Variants in TTC28 observed in about 807,000 individuals in gnomAD.
The protein encoded by TTC28 is tetratricopeptide repeat domain 28.
In TTC28, 61 loss-of-function variants were observed where a neutral mutation model predicts 198.0. The ratio of observed to expected loss-of-function variants is 0.31; its 90% confidence interval spans 0.25 to 0.38. The LOEUF (loss-of-function observed/expected upper bound fraction) is 0.38. Among genes scored for constraint, TTC28 ranks in the 10% least tolerant of loss-of-function variants. TTC28 has a pLI of 1.00. For synonymous variants in TTC28, 1,171 were observed against 1,297.8 expected (o/e 0.90, Z 2.10); for missense variants, 2,678 against 3,164.0 (o/e 0.85, Z 3.69).
At chr22:28,119,371 C>G (rs1942724390) in intron 6 of TTC28, among the ~76,000 whole-genome samples, 1 of 152,172 alleles carries the variant, frequency 6.6e-6, no homozygotes, top group African/African-American at 2.4e-5. Flanking sequence ...CATTATTTAG[C>G]TAGAGTACAA....
intron 12 of TTC28, among the ~76,000 whole-genome samples, chr22:28,091,034 C>A (rs964845106): frequency 6.6e-6 from 1 of 152,156 alleles, no homozygotes; most frequent in African/African-American, 2.4e-5. Flanking sequence ...TGCTAGAGAT[C>A]CTAAGGACTC....
chr22:28,578,269 TTCC>T (rs1214142438), intron 2 of TTC28, among the ~76,000 whole-genome samples: 1 of 151,972 alleles, frequency 6.6e-6, no homozygotes, highest in Non-Finnish European at 1.5e-5. Context: ...TACACTTCAG[TTCC>T]TCAATTTTTA....
chr22:28,679,166 G>C (rs1048681700), intron 1 of TTC28, among the ~76,000 whole-genome samples: 1 of 152,128 alleles, frequency 6.6e-6, no homozygotes, highest in African/African-American at 2.4e-5. Flanking sequence ...GCTCGCCTCC[G>C]GGGACGAAGA....
At chr22:28,596,435 G>T (rs1311853424) in intron 2 of TTC28, among the ~76,000 whole-genome samples, 4 of 152,096 alleles carry the variant, frequency 2.6e-5, no homozygotes, top group African/African-American at 9.7e-5. Context: ...GTTATTTAAG[G>T]CTCCATAATA....
At chr22:28,652,342 C>T (rs1265060852) in intron 1 of TTC28, among the ~76,000 whole-genome samples, 2 of 152,154 alleles carry the variant, frequency 1.3e-5, no homozygotes, top group African/African-American at 4.8e-5. Flanking sequence ...GTTCAAGTTG[C>T]CTTGCTACAG....
intron 1 of TTC28, among the ~76,000 whole-genome samples, chr22:28,647,984 G>C (rs904754716): frequency 1.3e-5 from 2 of 151,668 alleles, no homozygotes; most frequent in African/African-American, 4.8e-5. Flanking sequence ...CAGCACTTTG[G>C]GAGGCCGAGG....
At chr22:28,185,652 G>T (rs1446245892) in intron 5 of TTC28, among the ~76,000 whole-genome samples, 2 of 152,030 alleles carry the variant, frequency 1.3e-5, no homozygotes, top group Admixed American at 6.6e-5. Context: ...AATAACTACA[G>T]TATGTTTACT....
chr22:28,133,940 C>A (rs148086273), intron 6 of TTC28, among the ~76,000 whole-genome samples: 22 of 152,320 alleles, frequency 1.4e-4, no homozygotes, highest in African/African-American at 4.3e-4. Context: ...CCCTGAATAG[C>A]CTAACTGGGA....
intron 2 of TTC28, among the ~76,000 whole-genome samples, chr22:28,448,797 A>G (rs2047737037): frequency 6.6e-6 from 1 of 152,158 alleles, no homozygotes; most frequent in South Asian, 2.1e-4. Flanking sequence ...ATCACTCCAC[A>G]ACATTCAAAG....
rs748850926 is a variant in TTC28, at chr22:27,999,250, C to A, written c.4409G>T (p.Arg1470Leu). The change falls in exon 16 of 23, where the codon CGG becomes CTG. Residue 1470 changes from arginine (R) to leucine (L), a missense_variant. By Grantham distance (102) the Arg-to-Leu change is moderately radical. Coordinates refer to ENST00000397906, the MANE Select transcript of TTC28 (RefSeq NM_001145418.2). ...GCTGGAGTATGTGGGCGGGTTCTTC[C>A]GTAAGTGAGACTAGGAGGGGAGGGG... is the stretch of plus-strand genomic sequence containing the variant. ...SLSVQSKSHL[R>L]KNPPTYSSST... is the part of the protein sequence containing the mutation. 3 of 1,548,288 alleles carry A rather than the reference C, an allele frequency of 1.9e-6. No homozygotes were observed. Among genetic ancestry groups the A allele is most frequent in the Admixed American group, 2.0e-5 (1 of 50,864 alleles).
At chr22:28,009,383 G>A (rs1046953164) in intron 14 of TTC28, among the ~76,000 whole-genome samples, 4 of 152,256 alleles carry the variant, frequency 2.6e-5, no homozygotes, top group Non-Finnish European at 2.9e-5. Context: ...TAGTCTTGAA[G>A]TGTCAGTGAT....
In TTC28 at chr22:28,282,401, G is replaced by A. The variant is rs1223294046; in HGVS notation, c.933+13797C>T. Among the ~76,000 whole-genome samples, 5 of 152,252 alleles carry A rather than the reference G, an allele frequency of 3.3e-5. No individual in the cohort carries two copies. In the East Asian group the frequency reaches 9.6e-4, roughly 29 times the overall value. ...AGTCAATGTACAAAAGACTCTGGAA[G>A]CACTATCCAATAGAATTTTCTAAGA... On this transcript the variant is annotated intron_variant, in intron 5 of 22. Coordinates refer to ENST00000397906, the MANE Select transcript of TTC28 (RefSeq NM_001145418.2).
chr22:28,191,899 T>C (rs1353004590), intron 5 of TTC28, among the ~76,000 whole-genome samples: 1 of 152,172 alleles, frequency 6.6e-6, no homozygotes, highest in Non-Finnish European at 1.5e-5. Context: ...CAGAATCCTC[T>C]GCAGACTTGA....
rs1463089744 is a variant in TTC28 at position 27,989,992 on chromosome 22, C to G, written c.5593G>C (p.Val1865Leu). Residue 1865 changes from valine to leucine, a missense_variant, in exon 21 of 23, where the codon GTT (valine) becomes CTT (leucine). By Grantham distance (32) the Val-to-Leu change is conservative (BLOSUM62 1). This residue lies in a region of TTC28 where 314 missense variants were observed against 442.7 expected (regional missense o/e 0.71). Coordinates refer to ENST00000397906, the MANE Select transcript of TTC28 (RefSeq NM_001145418.2). ...TCCTTCTCGCCAGCCTGGAGCTGAACCAGCACCTGGTGGAGCTGAGGAAGG... is the reference window on the plus strand; with the variant it reads ...TCCTTCTCGCCAGCCTGGAGCTGAAGCAGCACCTGGTGGAGCTGAGGAAGG... Reference protein sequence around the residue: ...NMVGMLHQVLVQLQAGEKEQD... With the variant: ...NMVGMLHQVLLQLQAGEKEQD... 1.7e-5 allele frequency: 27 copies of G among 1,550,912 alleles called. No homozygotes were observed. Among genetic ancestry groups the G allele is most frequent in the Non-Finnish European group, 2.4e-5 (27 of 1,146,668 alleles).
intron 2 of TTC28, among the ~76,000 whole-genome samples, chr22:28,606,832 T>C (rs1393502360): frequency 6.6e-6 from 1 of 152,180 alleles, no homozygotes; most frequent in Admixed American, 6.5e-5. Flanking sequence ...GTAATAACAA[T>C]TGTTCTGGTA....
chr22:28,374,860 A>G (rs2046385693), intron 2 of TTC28, among the ~76,000 whole-genome samples: 1 of 151,426 alleles, frequency 6.6e-6, no homozygotes, highest in East Asian at 1.9e-4. Context: ...TTTTTTTTTA[A>G]TATTTTTTTT....
At chr22:28,160,856 G>A (rs1474229231) in intron 6 of TTC28, among the ~76,000 whole-genome samples, 3 of 151,972 alleles carry the variant, frequency 2.0e-5, no homozygotes, top group Non-Finnish European at 2.9e-5. Flanking sequence ...TTTTTTGAAG[G>A]GAGCATCAAA....
At chr22:28,396,623 G>A (rs1360149273) in intron 2 of TTC28, among the ~76,000 whole-genome samples, 1 of 151,972 alleles carries the variant, frequency 6.6e-6, no homozygotes, top group African/African-American at 2.4e-5. Flanking sequence ...ACTATTCTAG[G>A]ACCCTGAATC....
At chr22:28,319,585 G>A (rs2045411796) in intron 2 of TTC28, among the ~76,000 whole-genome samples, 1 of 152,120 alleles carries the variant, frequency 6.6e-6, no homozygotes, top group Non-Finnish European at 1.5e-5. Context: ...GAGGACAGGA[G>A]TATATGGAAA....
Sources: gnomAD v4.1 joint callset for allele counts (sites outside exome capture counted in the v4.1 genomes callset) on GRCh38, gnomAD v4.1.1 for gene constraint, gnomAD v4.1.1 regional missense constraint, MANE v1.5 for transcripts, NCBI Gene and HGNC (gene_info 2026-07-23, HGNC 2026-07-21) for gene names.